The following CD2 variants were observed in gnomAD, a reference collection of about 807,000 sequenced individuals.
CD2 encodes the protein T-cell surface antigen CD2.
Under a neutral mutation model 23.2 loss-of-function variants are expected in CD2, and 18 were observed. The observed-to-expected ratio is 0.77, with a 90% CI of 0.54 to 1.15. CD2 has a LOEUF of 1.15. Among genes scored for constraint, CD2 ranks in the 50% most tolerant of loss-of-function variants. The pLI is 0.00. For missense variants in CD2, 424 were observed against 423.1 expected, an observed-to-expected ratio of 1.00 and a Z score of -0.02; for synonymous variants, 162 against 151.9, an observed-to-expected ratio of 1.07 and a Z score of -0.49.
intron 4 of CD2, among the ~76,000 whole-genome samples, chr1:116,768,011 A>C (rs1318083977): frequency 6.6e-6 from 1 of 152,208 alleles, no homozygotes; most frequent in African/African-American, 2.4e-5. Context: ...ATTGCATGAC[A>C]GTAGAATTGG....
At chr1:116,759,076 G>A (rs1371138630) in intron 2 of CD2, among the ~76,000 whole-genome samples, 1 of 152,132 alleles carries the variant, frequency 6.6e-6, no homozygotes, top group Non-Finnish European at 1.5e-5. Context: ...CTGTGTTGCT[G>A]TTATAAGTAG....
Position 116,758,211 on chromosome 1 carries a change from C to G in CD2, c.383-2191C>G, listed in dbSNP as rs112689796. On this transcript the variant is annotated intron_variant, in intron 2 of 4. Transcript: ENST00000369478. ...CTTTAAACTTTTAAAAATATTTTAT[C>G]AGCTTGTACAATGATTGGAGTTGAA... is the stretch of plus-strand genomic sequence containing the variant. 4.1e-3 allele frequency among the ~76,000 whole-genome samples: 619 copies of G among 151,936 alleles called. 4 individuals are homozygous for G. Among genetic ancestry groups the G allele is most frequent in the Non-Finnish European group, 7.1e-3 (484 of 67,994 alleles).
rs770700786 is a variant in CD2, at chr1:116,754,566, G to C, written c.61+13G>C. On this transcript the variant is annotated intron_variant, in intron 1 of 4. Coordinates refer to ENST00000369478, the MANE Select transcript of CD2 (RefSeq NM_001767.5). ...GTTTCTTCCAAAGGTAAGCATAAGA[G>C]TCAAAGAAGTCCCAACCCAGCTTTC... 1.9e-6 allele frequency: 3 copies of C among 1,612,694 alleles called. No individual in the cohort carries two copies. In the South Asian group the frequency reaches 3.3e-5, roughly 18 times the overall value.
At chr1:116,759,188 T>C (rs1347648243) in intron 2 of CD2, among the ~76,000 whole-genome samples, 1 of 152,228 alleles carries the variant, frequency 6.6e-6, no homozygotes, top group Non-Finnish European at 1.5e-5. Flanking sequence ...TCCATTTTCT[T>C]CCTTCTCAGT....
intron 4 of CD2, among the ~76,000 whole-genome samples, chr1:116,765,250 C>A (rs986033196): frequency 1.3e-5 from 2 of 152,202 alleles, no homozygotes; most frequent in Admixed American, 6.5e-5. Context: ...GAATGGCCAA[C>A]CCGGGGTCAC....
rs780530216 is a variant in CD2, at chr1:116,768,833, C to T, written c.*50C>T. 6.6e-7 allele frequency: 1 copy of T among 1,526,000 alleles called. No individual in the cohort carries two copies. Among genetic ancestry groups the T allele is most frequent in the Non-Finnish European group, 8.9e-7 (1 of 1,122,020 alleles). The allele number at this position is 1,526,000 out of a possible 1,614,324, so 94.5% of individuals were successfully genotyped here. A position where few individuals can be genotyped will look rare whatever the true frequency, so the allele number is the denominator to read the frequency against. ...ATAAAAAGCACTGTGGATTTCTGCCCTCCTGATGTGCATATCCGTACTTCC... is the reference window on the plus strand; with the variant it reads ...ATAAAAAGCACTGTGGATTTCTGCCTTCCTGATGTGCATATCCGTACTTCC... On this transcript the variant is annotated 3_prime_UTR_variant, in exon 5 of 5. Coordinates refer to ENST00000369478, the MANE Select transcript of CD2 (RefSeq NM_001767.5).
At chr1:116,762,016 G>A (rs1473783428) in intron 3 of CD2, among the ~76,000 whole-genome samples, 1 of 152,018 alleles carries the variant, frequency 6.6e-6, no homozygotes, top group Non-Finnish European at 1.5e-5. Context: ...ATTTTGTAGA[G>A]ATAAGGTCTC....
At chr1:116,763,862 G>A (rs1157611353) in intron 3 of CD2, among the ~76,000 whole-genome samples, 1 of 152,132 alleles carries the variant, frequency 6.6e-6, no homozygotes, top group Non-Finnish European at 1.5e-5. Flanking sequence ...TGTGCACCCG[G>A]GTTTCTCTCG....
chr1:116,767,484 A>C (rs1369256072), intron 4 of CD2, among the ~76,000 whole-genome samples: 1 of 151,618 alleles, frequency 6.6e-6, no homozygotes. Context: ...CCAGCTACTC[A>C]GGAGGCCGAG....
chr1:116,758,010 C>T (rs1000154635), intron 2 of CD2, among the ~76,000 whole-genome samples: 1 of 151,674 alleles, frequency 6.6e-6, no homozygotes, highest in Non-Finnish European at 1.5e-5. Context: ...CTCAAGAGAT[C>T]CGCCCACCTT....
At chr1:116,758,146 T>C (rs1425176494) in intron 2 of CD2, among the ~76,000 whole-genome samples, 2 of 152,088 alleles carry the variant, frequency 1.3e-5, no homozygotes, top group East Asian at 1.9e-4. Flanking sequence ...TTATTCATTA[T>C]TGACTTTGAG....
intron 4 of CD2, 76 bp downstream of exon 4, chr1:116,764,682 G>C: frequency 1.9e-6 from 2 of 1,056,696 alleles, no homozygotes; most frequent in South Asian, 1.3e-5. Flanking sequence ...ATGACACCTT[G>C]AATCTGCAGA....
rs557485356 is a variant in CD2 at position 116,754,561 on chromosome 1, T to C, written c.61+8T>C. ...TCAATGTTTCTTCCAAAGGTAAGCA[T>C]AAGAGTCAAAGAAGTCCCAACCCAG... On this transcript the variant is annotated splice_region_variant and intron_variant, in intron 1 of 4. Coordinates refer to ENST00000369478, the MANE Select transcript of CD2 (RefSeq NM_001767.5). The C allele has an allele frequency of 6.2e-7, 1 of 1,613,212 alleles. No homozygotes were observed. The highest frequency in any genetic ancestry group is 1.3e-5 in the African/African-American group (1 of 74,950).
chr1:116,760,745 A>G, intron 3 of CD2, 113 bp downstream of exon 3: 1 of 758,894 alleles, frequency 1.3e-6, no homozygotes, highest in South Asian at 1.6e-5. Context: ...GCTCAGGATG[A>G]GGCATGAAAG....
intron 2 of CD2, among the ~76,000 whole-genome samples, chr1:116,759,849 G>A (rs1404228231): frequency 6.6e-6 from 1 of 152,112 alleles, no homozygotes; most frequent in African/African-American, 2.4e-5. Flanking sequence ...TACCCACCTG[G>A]CCCACTGCTC....
intron 2 of CD2, among the ~76,000 whole-genome samples, chr1:116,755,581 G>A (rs919265991): frequency 1.3e-5 from 2 of 152,170 alleles, no homozygotes; most frequent in Non-Finnish European, 2.9e-5. Flanking sequence ...TGGGGTTAGG[G>A]AGACTAGTTA....
In CD2 at chr1:116,754,514, G is replaced by C. The variant is rs1651769569; in HGVS notation, c.22G>C (p.Val8Leu). 1.2e-6 allele frequency: 2 copies of C among 1,613,916 alleles called. No homozygotes were observed. Among genetic ancestry groups the C allele is most frequent in the Admixed American group, 1.7e-5 (1 of 59,958 alleles). ...TAAGATGAGCTTTCCATGTAAATTT[G>C]TAGCCAGCTTCCTTCTGATTTTCAA... MSFPCKF[V>L]ASFLLIFNVS... Residue 8 changes from valine (V) to leucine (L), a missense_variant, in exon 1 of 5, where the codon GTA becomes CTA. By Grantham distance (32) the Val-to-Leu change is conservative. Transcript: ENST00000369478.
intron 3 of CD2, among the ~76,000 whole-genome samples, chr1:116,763,867 C>T (rs774227902): frequency 2.9e-4 from 44 of 152,282 alleles, no homozygotes; most frequent in Middle Eastern, 6.8e-3. Context: ...ACCCGGGTTT[C>T]TCTCGTGGCT....
intron 3 of CD2, among the ~76,000 whole-genome samples, chr1:116,761,843 T>A (rs1571241361): frequency 2.0e-5 from 3 of 152,284 alleles, no homozygotes; most frequent in Middle Eastern, 6.8e-3. Context: ...CTTCGCAACT[T>A]TTTTTGAGAC....
Sources: allele counts gnomAD v4.1 joint callset (sites outside exome capture counted in the v4.1 genomes callset), GRCh38; gene constraint gnomAD v4.1.1; transcripts MANE v1.5; gene names NCBI Gene and HGNC (gene_info 2026-07-23, HGNC 2026-07-21).